CMSS1: variants seen among roughly 807,000 people sequenced by gnomAD.
The protein encoded by CMSS1 is protein CMSS1.
A neutral mutation model predicts 43.5 loss-of-function variants in CMSS1; 33 were observed. The observed-to-expected ratio is 0.76, with a 90% CI of 0.57 to 1.01. The LOEUF is 1.01. CMSS1 is among the 50% of genes least tolerant of loss of function. The pLI is 0.00. For synonymous variants in CMSS1, 115 were observed against 117.2 expected (o/e 0.98, Z 0.12); for missense variants, 313 against 326.4 (o/e 0.96, Z 0.32).
At chr3:99,880,007 G>T (rs2107600701) in intron 1 of CMSS1, among the ~76,000 whole-genome samples, 1 of 152,278 alleles carries the variant, frequency 6.6e-6, no homozygotes, top group Non-Finnish European at 1.5e-5. Flanking sequence ...CAGCCTTCTT[G>T]CAAAGCAGCT....
At chr3:99,909,227 A>G (rs1212098524) in intron 1 of CMSS1, among the ~76,000 whole-genome samples, 1 of 152,206 alleles carries the variant, frequency 6.6e-6, no homozygotes, top group Admixed American at 6.5e-5. Context: ...TCATAAAATT[A>G]ATTTTCTGTC....
At chr3:99,881,931 A>C (rs1705742579) in intron 1 of CMSS1, among the ~76,000 whole-genome samples, 1 of 152,216 alleles carries the variant, frequency 6.6e-6, no homozygotes, top group African/African-American at 2.4e-5. Context: ...GCAGAGAAAG[A>C]CCTGTGGATT....
chr3:100,082,756 G>C (rs2065951503), intron 1 of CMSS1, among the ~76,000 whole-genome samples: 1 of 152,088 alleles, frequency 6.6e-6, no homozygotes, highest in Admixed American at 6.6e-5. Context: ...ACATGTTTCT[G>C]TTTCTGTGAG....
intron 1 of CMSS1, among the ~76,000 whole-genome samples, chr3:99,827,665 C>T (rs909427072): frequency 2.0e-5 from 3 of 152,048 alleles, no homozygotes; most frequent in African/African-American, 4.8e-5. Context: ...AGTGCAATGG[C>T]GCAATCTCGG....
At chr3:99,983,936 T>G (rs1310142657) in intron 1 of CMSS1, among the ~76,000 whole-genome samples, 2 of 151,872 alleles carry the variant, frequency 1.3e-5, no homozygotes, top group Non-Finnish European at 2.9e-5. Flanking sequence ...GAGAGGAAAA[T>G]GTCCTATACC....
intron 1 of CMSS1, among the ~76,000 whole-genome samples, chr3:99,993,766 C>G (rs1371076976): frequency 1.3e-5 from 2 of 152,080 alleles, no homozygotes; most frequent in African/African-American, 4.8e-5. Flanking sequence ...GTTGATGTGA[C>G]ATATCATGTT....
At chr3:100,064,331 A>C (rs566103264) in intron 1 of CMSS1, among the ~76,000 whole-genome samples, 2 of 151,946 alleles carry the variant, frequency 1.3e-5, no homozygotes. Flanking sequence ...CTAAAGGACC[A>C]ATTTGCCACC....
intron 1 of CMSS1, among the ~76,000 whole-genome samples, chr3:99,877,393 AGTT>A: frequency 6.6e-6 from 1 of 152,248 alleles, no homozygotes; most frequent in South Asian, 2.1e-4. Context: ...ATGTTTGCAG[AGTT>A]GTTAGTGGAA....
At chr3:99,972,365 A>G (rs1228983438) in intron 1 of CMSS1, among the ~76,000 whole-genome samples, 1 of 152,234 alleles carries the variant, frequency 6.6e-6, no homozygotes, top group Non-Finnish European at 1.5e-5. Flanking sequence ...TAGACTGTAA[A>G]TTCATTAAGA....
chr3:100,010,155 T>A, intron 1 of CMSS1: 1 of 973,456 alleles, frequency 1.0e-6, no homozygotes, highest in Non-Finnish European at 1.2e-6. Context: ...TGGAGCCACA[T>A]TTCATTTGAT....
At chr3:99,824,596 G>A (rs1242790652) in intron 1 of CMSS1, among the ~76,000 whole-genome samples, 1 of 152,162 alleles carries the variant, frequency 6.6e-6, no homozygotes, top group East Asian at 1.9e-4. Context: ...CTCAACCTAG[G>A]AGATCTTTAT....
chr3:99,850,886 T>A (rs532225235), intron 1 of CMSS1: 1 of 1,614,206 alleles, frequency 6.2e-7, no homozygotes, highest in East Asian at 2.2e-5. Flanking sequence ...GCATTTGTGG[T>A]CAGCTCTTGG....
chr3:100,013,211 G>A (rs1710213904), intron 1 of CMSS1, among the ~76,000 whole-genome samples: 1 of 136,496 alleles, frequency 7.3e-6, no homozygotes, highest in South Asian at 2.5e-4. Flanking sequence ...CAAGGCCAGT[G>A]AGGTGTTGTT....
chr3:100,112,061 G>A (rs1414423223), intron 1 of CMSS1, among the ~76,000 whole-genome samples: 3 of 152,126 alleles, frequency 2.0e-5, no homozygotes, highest in African/African-American at 7.2e-5. Context: ...TAAAATAGTT[G>A]ATGAATGAAT....
At chr3:99,875,474 A>G (rs536234035) in intron 1 of CMSS1, among the ~76,000 whole-genome samples, 4 of 152,326 alleles carry the variant, frequency 2.6e-5, no homozygotes, top group East Asian at 3.9e-4. Flanking sequence ...ACTCAAAACT[A>G]TGATAGTTAC....
intron 1 of CMSS1, among the ~76,000 whole-genome samples, chr3:99,988,151 A>G (rs1709401021): frequency 6.6e-6 from 1 of 152,066 alleles, no homozygotes; most frequent in Non-Finnish European, 1.5e-5. Flanking sequence ...AAGCTAAAAG[A>G]ATTGTGGGAT....
chr3:100,004,488 G>A (rs796171896), intron 1 of CMSS1, among the ~76,000 whole-genome samples: 2 of 152,284 alleles, frequency 1.3e-5, no homozygotes, highest in African/African-American at 2.4e-5. Flanking sequence ...CCATCAGAGT[G>A]GTGGAGAAAA....
At chr3:100,176,908 TCAGAATTGAATGA>T (rs1202316327) in intron 9 of CMSS1, among the ~76,000 whole-genome samples, 4 of 152,210 alleles carry the variant, frequency 2.6e-5, no homozygotes, top group Non-Finnish European at 4.4e-5. Flanking sequence ...TCTCAGTTGA[TCAGAATTGAATGA>T]CCGAATGCAT....
Position 99,853,631 on chromosome 3 carries a change from A to G in CMSS1, c.64+35588A>G, listed in dbSNP as rs143969202. Among the ~76,000 whole-genome samples the G allele has an allele frequency of 2.6e-3, 402 of 152,374 alleles. 1 individual carries two copies. In the Middle Eastern group the frequency reaches 0.027, roughly 10 times the overall value. On this transcript the variant is annotated intron_variant, in intron 1 of 9. Coordinates refer to ENST00000421999, the MANE Select transcript of CMSS1 (RefSeq NM_032359.4). ...TGGGGCATGTTGCGTATTTTTCAGC[A>G]TGATGCAAACATAAGCATCTTTTTC...
Sources: gnomAD v4.1 joint callset for allele counts (sites outside exome capture counted in the v4.1 genomes callset) on GRCh38, gnomAD v4.1.1 for gene constraint, MANE v1.5 for transcripts, NCBI Gene and HGNC (gene_info 2026-07-23, HGNC 2026-07-21) for gene names.